The following METTL8 variants were observed in gnomAD, a reference collection of about 807,000 sequenced individuals.
METTL8 encodes the protein tRNA N(3)-cytidine methyltransferase METTL8, mitochondrial.
METTL8 carries 32 observed loss-of-function variants against 48.7 expected under a neutral mutation model. The ratio of observed to expected loss-of-function variants is 0.66; its 90% CI spans 0.50 to 0.88. The LOEUF is 0.88. Ranked by LOEUF, METTL8 falls within the 40% of genes least tolerant of loss-of-function variation. The pLI, the probability that METTL8 is intolerant of heterozygous loss-of-function variation, is 0.00. For missense variants in METTL8, 464 were observed against 474.4 expected (o/e 0.98, Z 0.20); for synonymous variants, 136 against 157.1 (o/e 0.87, Z 1.01).
At chr2:171,406,459 T>A (rs1383030568) in intron 1 of METTL8, among the ~76,000 whole-genome samples, 2 of 152,188 alleles carry the variant, frequency 1.3e-5, no homozygotes, top group African/African-American at 4.8e-5. Flanking sequence ...AGAAGTCCCA[T>A]ATCAAAGTGC....
At chr2:171,362,644 A>C (rs561679217) in intron 2 of METTL8, among the ~76,000 whole-genome samples, 1 of 152,020 alleles carries the variant, frequency 6.6e-6, no homozygotes, top group Non-Finnish European at 1.5e-5. Flanking sequence ...CTGAATGAGA[A>C]TGTTTTCAGA....
At chr2:171,429,207 A>C (rs958929279) in intron 1 of METTL8, among the ~76,000 whole-genome samples, 4 of 152,236 alleles carry the variant, frequency 2.6e-5, no homozygotes, top group Admixed American at 6.5e-5. Context: ...CAAGATTTGA[A>C]TTCACACGTG....
rs973883249 is a variant in METTL8 at position 171,317,023 on chromosome 2, A to T, written c.*7149T>A. On this transcript the variant is annotated 3_prime_UTR_variant, in exon 10 of 10. Coordinates refer to ENST00000375258, the MANE Select transcript of METTL8 (RefSeq NM_001321154.2). Reference sequence around the variant, plus strand: ...TTGCTCTCAGGAGGCAGAAGGTGAGAGAAATGAGGCAGCAATTACATAGTG... The same window carrying T: ...TTGCTCTCAGGAGGCAGAAGGTGAGTGAAATGAGGCAGCAATTACATAGTG... 1.3e-5 allele frequency among the ~76,000 whole-genome samples: 2 copies of T among 152,230 alleles called. No homozygotes were observed. The highest frequency in any genetic ancestry group is 4.1e-4 in the South Asian group (2 of 4,838).
chr2:171,396,091 G>A (rs890051860), intron 1 of METTL8, among the ~76,000 whole-genome samples: 2 of 152,010 alleles, frequency 1.3e-5, no homozygotes, highest in Non-Finnish European at 2.9e-5. Flanking sequence ...GGCCAACATG[G>A]TGAAACCCCA....
At chr2:171,425,308 T>A (rs999562686) in intron 1 of METTL8, among the ~76,000 whole-genome samples, 2 of 152,196 alleles carry the variant, frequency 1.3e-5, no homozygotes, top group Non-Finnish European at 2.9e-5. Flanking sequence ...GGAGCAACTC[T>A]TTGTGGCAGC....
rs149084588 is a variant in METTL8 at position 171,341,667 on chromosome 2, C to T, written c.236-2113G>A. Among the ~76,000 whole-genome samples, 8 of 151,916 alleles carry T rather than the reference C, an allele frequency of 5.3e-5. No homozygotes were observed. The South Asian group carries it at 1.0e-3, about 20-fold the overall frequency. On this transcript the variant is annotated intron_variant, in intron 3 of 9. Transcript: ENST00000375258. ...AGGAATTACTTTAACCTACTGTAGACGCATGCCATTTTAAAAGTGCAAAAG... is the reference window on the plus strand; with the variant it reads ...AGGAATTACTTTAACCTACTGTAGATGCATGCCATTTTAAAAGTGCAAAAG...
chr2:171,338,879 C>T (rs534074034), intron 4 of METTL8, among the ~76,000 whole-genome samples: 3 of 151,846 alleles, frequency 2.0e-5, no homozygotes, highest in South Asian at 4.2e-4. Context: ...GGGGTAATAA[C>T]AAAGAGAGTA....
intron 2 of METTL8, among the ~76,000 whole-genome samples, chr2:171,361,632 A>G (rs1685180826): frequency 6.6e-6 from 1 of 152,218 alleles, no homozygotes; most frequent in Admixed American, 6.5e-5. Flanking sequence ...GGTTATAATC[A>G]TGTCCACTTT....
At chr2:171,397,352 TAAAAAAAAAAAAAAA>T (rs71013039) in intron 1 of METTL8, among the ~76,000 whole-genome samples, 9 of 11,694 alleles carry the variant, frequency 7.7e-4, no homozygotes, top group Admixed American at 6.7e-3. Context: ...ACCCTGTCTC[TAAAAAAAAAAAAAAA>T]AAAAAAAAAA....
At chr2:171,384,215 A>G (rs948723992) in intron 2 of METTL8, among the ~76,000 whole-genome samples, 1 of 152,230 alleles carries the variant, frequency 6.6e-6, no homozygotes, top group African/African-American at 2.4e-5. Flanking sequence ...TCTATGAAAT[A>G]TCCAGAATGG....
chr2:171,375,331 T>C (rs1332147568), intron 2 of METTL8: 3 of 708,082 alleles, frequency 4.2e-6, no homozygotes, highest in Non-Finnish European at 7.6e-6. Flanking sequence ...AACTGCCAAG[T>C]TCCTCGTTAG....
At chr2:171,357,912 T>C (rs1370673212) in intron 3 of METTL8, among the ~76,000 whole-genome samples, 6 of 152,046 alleles carry the variant, frequency 3.9e-5, no homozygotes, top group Admixed American at 3.9e-4. Flanking sequence ...CCCAAGTTGG[T>C]CTTGAACTCC....
At chr2:171,405,947 A>G (rs1274038930) in intron 1 of METTL8, among the ~76,000 whole-genome samples, 1 of 152,230 alleles carries the variant, frequency 6.6e-6, no homozygotes, top group Non-Finnish European at 1.5e-5. Flanking sequence ...GGGAAAGGAC[A>G]CTAACAACAT....
intron 2 of METTL8, among the ~76,000 whole-genome samples, chr2:171,362,434 T>C (rs962572535): frequency 1.3e-5 from 2 of 152,022 alleles, no homozygotes; most frequent in African/African-American, 4.8e-5. Flanking sequence ...TGGAGTTACA[T>C]TGGGTGGAAT....
chr2:171,334,194 T>A (rs1685846147), intron 5 of METTL8, among the ~76,000 whole-genome samples: 1 of 152,232 alleles, frequency 6.6e-6, no homozygotes, highest in Non-Finnish European at 1.5e-5. Flanking sequence ...AGTCTACCTT[T>A]GGGCAGTAGT....
intron 1 of METTL8, chr2:171,414,729 GAA>G (rs57095998): frequency 3.1e-5 from 4 of 128,646 alleles, no homozygotes; most frequent in Middle Eastern, 3.9e-3. Context: ...CTCTGTTTCT[GAA>G]AAAAAAAAAA....
chr2:171,372,448 T>G (rs1438845522), intron 2 of METTL8, among the ~76,000 whole-genome samples: 1 of 152,102 alleles, frequency 6.6e-6, no homozygotes, highest in Non-Finnish European at 1.5e-5. Flanking sequence ...CAAAGGTGTA[T>G]ATACATGTAA....
intron 1 of METTL8, among the ~76,000 whole-genome samples, chr2:171,425,250 A>G (rs1409360342): frequency 2.0e-5 from 3 of 152,148 alleles, no homozygotes; most frequent in Non-Finnish European, 2.9e-5. Flanking sequence ...GACTAATACA[A>G]TGCACATACC....
At chr2:171,339,093 C>T (rs1686432909) in intron 4 of METTL8, 91 bp downstream of exon 4, 4 of 1,177,976 alleles carry the variant, frequency 3.4e-6, no homozygotes, top group Admixed American at 2.6e-5. Flanking sequence ...AGTTTTCCAC[C>T]AAAAAAAATC....
Sources: gnomAD v4.1 joint callset for allele counts (sites outside exome capture counted in the v4.1 genomes callset) on GRCh38, gnomAD v4.1.1 for gene constraint, MANE v1.5 for transcripts, NCBI Gene and HGNC (gene_info 2026-07-23, HGNC 2026-07-21) for gene names.